The following SLIT3 variants were observed in gnomAD, a reference collection of about 807,000 sequenced individuals.
The protein encoded by SLIT3 is slit guidance ligand 3, also known as slit homolog 3 protein.
SLIT3 carries 68 observed loss-of-function variants against 184.0 expected under a neutral mutation model. The observed-to-expected ratio is 0.37, with a 90% confidence interval of 0.30 to 0.45. The LOEUF is 0.45. Ranked by LOEUF, SLIT3 falls within the 20% of genes least tolerant of loss-of-function variation. The pLI is 1.00. For missense variants in SLIT3, 1,707 were observed against 2,026.0 expected (o/e 0.84, Z 3.02); for synonymous variants, 831 against 828.6 (o/e 1.00, Z -0.05).
intron 3 of SLIT3, among the ~76,000 whole-genome samples, chr5:169,203,270 T>C (rs941620275): frequency 3.9e-5 from 6 of 151,998 alleles, no homozygotes; most frequent in Middle Eastern, 3.2e-3. Flanking sequence ...CAAGGGTATA[T>C]ATTAGTACAC....
chr5:169,258,715 A>G (rs1766063483), intron 1 of SLIT3, among the ~76,000 whole-genome samples: 1 of 152,184 alleles, frequency 6.6e-6, no homozygotes, highest in African/African-American at 2.4e-5. Flanking sequence ...CACTGGAAAA[A>G]ATGAAACAAA....
chr5:168,831,856 A>C (rs1757892569), intron 6 of SLIT3, among the ~76,000 whole-genome samples: 1 of 152,248 alleles, frequency 6.6e-6, no homozygotes, highest in South Asian at 2.1e-4. Flanking sequence ...TGACAGGCAG[A>C]AATTCGTCTC....
In SLIT3 at chr5:168,710,921, G is replaced by C; in HGVS notation, c.2693C>G (p.Thr898Ser). Reference protein sequence around the residue: ...EPMADRLLLTTPTHRFQCKGP... With the variant: ...EPMADRLLLTSPTHRFQCKGP... ...TTTGCACTGGAAGCGGTGGGTTGGG[G>C]TGGTGAGCAGGAGCCTGTCAGCCAT... Residue 898 changes from threonine to serine, a missense_variant, in exon 25 of 36, where the codon ACC becomes AGC. Coordinates refer to ENST00000519560, the MANE Select transcript of SLIT3 (RefSeq NM_003062.4). 1 of 1,558,110 alleles carries C rather than the reference G, an allele frequency of 6.4e-7. No homozygotes were observed. Among genetic ancestry groups the C allele is most frequent in the Non-Finnish European group, 8.7e-7 (1 of 1,150,116 alleles).
intron 1 of SLIT3, among the ~76,000 whole-genome samples, chr5:169,297,707 T>G (rs1037551583): frequency 6.6e-6 from 1 of 152,232 alleles, no homozygotes; most frequent in Admixed American, 6.5e-5. Context: ...GCAAGTTTCC[T>G]TCTATCTTTT....
At chr5:169,144,300 C>T (rs297836) in intron 4 of SLIT3, among the ~76,000 whole-genome samples, 62,475 of 152,112 alleles carry the variant, frequency 0.41, 14,566 homozygotes, top group African/African-American at 0.64. Flanking sequence ...GTTCCACTCC[C>T]GATCTCGGCC....
At chr5:169,145,859 C>A (rs1388337852) in intron 4 of SLIT3, among the ~76,000 whole-genome samples, 1 of 152,162 alleles carries the variant, frequency 6.6e-6, no homozygotes, top group African/African-American at 2.4e-5. Context: ...GCCAGCCTGG[C>A]CAACATGGTG....
At chr5:168,832,932 T>C (rs947172310) in intron 6 of SLIT3, among the ~76,000 whole-genome samples, 3 of 152,024 alleles carry the variant, frequency 2.0e-5, no homozygotes, top group East Asian at 3.8e-4. Context: ...CAGAAAAAAA[T>C]ATAGTAAGAA....
At chr5:169,083,305 A>T (rs1297090175) in intron 4 of SLIT3, among the ~76,000 whole-genome samples, 1 of 151,066 alleles carries the variant, frequency 6.6e-6, no homozygotes, top group Non-Finnish European at 1.5e-5. Context: ...AGAGAGTCAT[A>T]CAAAAAGACT....
intron 4 of SLIT3, among the ~76,000 whole-genome samples, chr5:169,067,930 A>T (rs891407857): frequency 2.0e-5 from 3 of 152,248 alleles, no homozygotes; most frequent in Non-Finnish European, 4.4e-5. Flanking sequence ...AAAATTATTT[A>T]GTTATGATAA....
At chr5:169,103,932 C>G (rs1025971115) in intron 4 of SLIT3, among the ~76,000 whole-genome samples, 5 of 152,210 alleles carry the variant, frequency 3.3e-5, no homozygotes, top group African/African-American at 9.6e-5. Context: ...ACTTGCTGCT[C>G]TGTGCTGGAG....
chr5:169,139,223 G>A (rs1355160357), intron 4 of SLIT3, among the ~76,000 whole-genome samples: 1 of 152,212 alleles, frequency 6.6e-6, no homozygotes, highest in Non-Finnish European at 1.5e-5. Flanking sequence ...TGTGCTCTTA[G>A]AAACAGAACT....
At chr5:169,111,972 G>C (rs1248767194) in intron 4 of SLIT3, among the ~76,000 whole-genome samples, 1 of 152,198 alleles carries the variant, frequency 6.6e-6, no homozygotes, top group African/African-American at 2.4e-5. Context: ...CAGTCCATGT[G>C]GAACTCTGGA....
Position 169,073,069 on chromosome 5 carries a change from C to T in SLIT3, c.413+120410G>A, listed in dbSNP as rs528903689. 2.5e-3 allele frequency among the ~76,000 whole-genome samples: 377 copies of T among 152,274 alleles called. 1 individual carries two copies. Among genetic ancestry groups the T allele is most frequent in the Middle Eastern group, 3.4e-3 (1 of 294 alleles). ...CACACAACGCAGGGAGAGTGCAAAT[C>T]GTGAATCCTTCAGGCCAGATCCTTC... On this transcript the variant is annotated intron_variant, in intron 4 of 35. Coordinates refer to ENST00000519560, the MANE Select transcript of SLIT3 (RefSeq NM_003062.4).
At chr5:169,132,749 G>A (rs752766740) in intron 4 of SLIT3, among the ~76,000 whole-genome samples, 11 of 152,234 alleles carry the variant, frequency 7.2e-5, no homozygotes, top group Non-Finnish European at 1.2e-4. Context: ...AAGGAAATAC[G>A]GTGCACACCA....
intron 4 of SLIT3, among the ~76,000 whole-genome samples, chr5:169,065,651 G>A (rs1758327923): frequency 6.6e-6 from 1 of 152,134 alleles, no homozygotes; most frequent in African/African-American, 2.4e-5. Context: ...GGCATCCTTG[G>A]GTCCTGGGAG....
intron 2 of SLIT3, among the ~76,000 whole-genome samples, chr5:169,248,032 T>G (rs1245451376): frequency 1.3e-5 from 2 of 152,000 alleles, no homozygotes; most frequent in African/African-American, 4.8e-5. Flanking sequence ...TTGGGGGATT[T>G]ACTCTTCTCC....
intron 12 of SLIT3, among the ~76,000 whole-genome samples, chr5:168,775,380 A>G (rs913996045): frequency 2.6e-5 from 4 of 152,052 alleles, no homozygotes; most frequent in Non-Finnish European, 4.4e-5. Context: ...ATTTTTCCCT[A>G]GGACCTTTGA....
chr5:168,867,538 C>T (rs1421064390), intron 5 of SLIT3, among the ~76,000 whole-genome samples: 1 of 152,188 alleles, frequency 6.6e-6, no homozygotes, highest in Non-Finnish European at 1.5e-5. Context: ...GGCAAAGTCA[C>T]TCACTTCTGG....
intron 20 of SLIT3, among the ~76,000 whole-genome samples, chr5:168,728,869 G>A (rs1338341543): frequency 6.6e-6 from 1 of 150,866 alleles, no homozygotes; most frequent in East Asian, 2.0e-4. Flanking sequence ...AGTGAGCTGT[G>A]ATCACACCAC....
Sources: allele counts gnomAD v4.1 joint callset (sites outside exome capture counted in the v4.1 genomes callset), GRCh38; gene constraint gnomAD v4.1.1; transcripts MANE v1.5; gene names NCBI Gene and HGNC (gene_info 2026-07-23, HGNC 2026-07-21).